SRRM4: variants seen among roughly 807,000 people sequenced by gnomAD.
SRRM4 encodes the protein serine/arginine repetitive matrix 4, also known as serine/arginine repetitive matrix protein 4.
SRRM4 carries 33 observed loss-of-function variants against 68.9 expected under a neutral mutation model. The ratio of observed to expected loss-of-function variants is 0.48; its 90% CI spans 0.36 to 0.64. SRRM4 has a LOEUF of 0.64. SRRM4 is among the 30% of genes least tolerant of loss of function. The probability of loss-of-function intolerance (pLI) is 0.00; values close to 1 mark genes in which losing one functional copy is unlikely to be tolerated. For missense variants in SRRM4, 817 were observed against 827.1 expected (o/e 0.99, Z 0.15); for synonymous variants, 318 against 318.8 (o/e 1.00, Z 0.03).
At chr12:119,138,392 C>T (rs181250454) in intron 8 of SRRM4, among the ~76,000 whole-genome samples, 21 of 152,254 alleles carry the variant, frequency 1.4e-4, no homozygotes, top group Middle Eastern at 3.4e-3. Context: ...CTCTGCACTT[C>T]GGGGCGCATG....
intron 2 of SRRM4, among the ~76,000 whole-genome samples, chr12:119,106,881 T>G (rs560772024): frequency 3.0e-4 from 45 of 152,338 alleles, no homozygotes; most frequent in African/African-American, 9.6e-4. Context: ...CATCCCTGTC[T>G]TGTGCCAGTT....
At chr12:119,060,237 T>C (rs1364708348) in intron 1 of SRRM4, among the ~76,000 whole-genome samples, 2 of 151,764 alleles carry the variant, frequency 1.3e-5, no homozygotes, top group Admixed American at 6.6e-5. Flanking sequence ...TAATATACGA[T>C]GCACAAACTC....
At position 119,156,870 on chromosome 12, in the gene SRRM4, C is replaced by A; in HGVS notation, c.*72C>A. 6.9e-7 allele frequency: 1 copy of A among 1,451,798 alleles called. No homozygotes were observed. The highest frequency in any genetic ancestry group is 9.0e-7 in the Non-Finnish European group (1 of 1,105,768). The allele number at this position is 1,451,798 out of a possible 1,614,324, so 89.9% of individuals were successfully genotyped here. A position where few individuals can be genotyped will look rare whatever the true frequency, so the allele number is the denominator to read the frequency against. On this transcript the variant is annotated 3_prime_UTR_variant, in exon 13 of 13. Coordinates refer to ENST00000267260, the MANE Select transcript of SRRM4 (RefSeq NM_194286.4). ...CTCCCCCAACCACCTGCCCTCCCCG[C>A]CTTCTTGGTGACAAATAGTGAGGGC...
chr12:119,059,705 G>T, intron 1 of SRRM4, among the ~76,000 whole-genome samples: 1 of 152,278 alleles, frequency 6.6e-6, no homozygotes. Flanking sequence ...AGCCACAGAA[G>T]GTTTTAGGCA....
At chr12:119,034,781 G>A (rs778305837) in intron 1 of SRRM4, among the ~76,000 whole-genome samples, 4 of 152,032 alleles carry the variant, frequency 2.6e-5, no homozygotes, top group Non-Finnish European at 5.9e-5. Context: ...GGACACTTTC[G>A]TCCCTGGTTC....
At chr12:119,119,385 G>T (rs950569828) in intron 4 of SRRM4, among the ~76,000 whole-genome samples, 1 of 151,646 alleles carries the variant, frequency 6.6e-6, no homozygotes, top group Non-Finnish European at 1.5e-5. Context: ...GGGGAAAATC[G>T]ATCATTCTAA....
At chr12:118,987,161 T>A (rs891766419) in intron 1 of SRRM4, among the ~76,000 whole-genome samples, 7 of 152,176 alleles carry the variant, frequency 4.6e-5, no homozygotes, top group African/African-American at 1.7e-4. Flanking sequence ...TCACTTCACC[T>A]CTTTGTGCCT....
chr12:119,024,954 G>C (rs536450036), intron 1 of SRRM4, among the ~76,000 whole-genome samples: 1 of 152,278 alleles, frequency 6.6e-6, no homozygotes, highest in Non-Finnish European at 1.5e-5. Flanking sequence ...TGGACAAATG[G>C]GGAGTGAGAG....
intron 1 of SRRM4, among the ~76,000 whole-genome samples, chr12:119,003,055 T>A (rs986033660): frequency 1.3e-5 from 2 of 151,856 alleles, no homozygotes; most frequent in Non-Finnish European, 2.9e-5. Flanking sequence ...GTCCCACAGC[T>A]AGTAAGGGAT....
intron 1 of SRRM4, among the ~76,000 whole-genome samples, chr12:119,039,278 A>G (rs796511050): frequency 1.2e-4 from 18 of 152,244 alleles, no homozygotes; most frequent in African/African-American, 4.1e-4. Context: ...AGAAAGCACC[A>G]TGTATGTGAC....
intron 1 of SRRM4, among the ~76,000 whole-genome samples, chr12:119,009,199 G>A (rs546539264): frequency 6.6e-6 from 1 of 152,312 alleles, no homozygotes; most frequent in African/African-American, 2.4e-5. Flanking sequence ...ATGCTAACAG[G>A]AGGGGAACTT....
chr12:119,076,504 T>G (rs1953917312), intron 1 of SRRM4, among the ~76,000 whole-genome samples: 1 of 152,208 alleles, frequency 6.6e-6, no homozygotes, highest in Non-Finnish European at 1.5e-5. Context: ...CAAGTTACTC[T>G]CCTCTCTCTG....
At chr12:119,040,803 T>A (rs1309820383) in intron 1 of SRRM4, among the ~76,000 whole-genome samples, 1 of 152,068 alleles carries the variant, frequency 6.6e-6, no homozygotes, top group Non-Finnish European at 1.5e-5. Context: ...CAGGCTGGAG[T>A]GCATGGCATG....
chr12:119,052,045 A>G (rs1953746426), intron 1 of SRRM4, among the ~76,000 whole-genome samples: 1 of 152,130 alleles, frequency 6.6e-6, no homozygotes, highest in Non-Finnish European at 1.5e-5. Context: ...CTTGGCTGGC[A>G]TTTATTTATC....
intron 1 of SRRM4, among the ~76,000 whole-genome samples, chr12:119,016,071 G>C (rs1953479172): frequency 6.6e-6 from 1 of 152,112 alleles, no homozygotes; most frequent in Admixed American, 6.6e-5. Flanking sequence ...TATGATGAGG[G>C]GAGAAGACAC....
intron 1 of SRRM4, among the ~76,000 whole-genome samples, chr12:119,057,752 A>G (rs937563675): frequency 3.9e-5 from 6 of 152,142 alleles, no homozygotes; most frequent in African/African-American, 1.4e-4. Context: ...CTGTTTCTAG[A>G]GCTTTGAGGA....
chr12:119,094,373 C>A (rs979097747), intron 1 of SRRM4, among the ~76,000 whole-genome samples: 5 of 152,214 alleles, frequency 3.3e-5, no homozygotes, highest in Non-Finnish European at 7.3e-5. Context: ...GGCCCTCCCC[C>A]AGACCTACTG....
rs1953769020 is a variant in SRRM4, at chr12:119,055,219, T to A, written c.132-47017T>A. Among the ~76,000 whole-genome samples the A allele has an allele frequency of 2.0e-5, 3 of 151,912 alleles. No homozygotes were observed. The South Asian group carries it at 6.3e-4, about 32-fold the overall frequency. On this transcript the variant is annotated intron_variant, in intron 1 of 12. Transcript: ENST00000267260. ...CTACACAGGAGGGAACAGACTGGAG[T>A]TTCGTCACTTCTCTCCTACTGGTTT...
chr12:119,023,479 T>C (rs1953528957), intron 1 of SRRM4, among the ~76,000 whole-genome samples: 2 of 152,160 alleles, frequency 1.3e-5, no homozygotes, highest in South Asian at 4.1e-4. Context: ...AGCCAAATGA[T>C]AAAGAAAGAG....
Sources: allele counts gnomAD v4.1 joint callset (sites outside exome capture counted in the v4.1 genomes callset), GRCh38; gene constraint gnomAD v4.1.1; transcripts MANE v1.5; gene names NCBI Gene and HGNC (gene_info 2026-07-23, HGNC 2026-07-21).